The following CASK variants were observed in gnomAD, a reference collection of about 807,000 sequenced individuals.
CASK encodes the protein calcium/calmodulin dependent serine protein kinase.
Under a neutral mutation model 82.9 loss-of-function variants are expected in CASK, and 4 were observed. The ratio of observed to expected loss-of-function variants is 0.05; its 90% CI spans 0.02 to 0.11. CASK has a LOEUF of 0.11. Among genes scored for constraint, CASK ranks in the 10% least tolerant of loss-of-function variants. The probability of loss-of-function intolerance (pLI) is 1.00; values close to 1 mark genes in which losing one functional copy is unlikely to be tolerated. For missense variants in CASK, 358 were observed against 720.9 expected (o/e 0.50, Z 5.76); for synonymous variants, 259 against 253.5 (o/e 1.02, Z -0.20).
rs987930160 is a variant in CASK at position 41,808,593 on chromosome X, G to T, written c.173-21310C>A. ...CACGATAAGAGCTTCTAGGGGGGCAGTTCCAAGATGGCTGAATAGGAACAG... is the reference window on the plus strand; with the variant it reads ...CACGATAAGAGCTTCTAGGGGGGCATTTCCAAGATGGCTGAATAGGAACAG... On this transcript the variant is annotated intron_variant, in intron 2 of 26. Transcript: ENST00000378163. 4.5e-5 allele frequency among the ~76,000 whole-genome samples: 5 copies of T among 112,340 alleles called. No homozygotes were observed. In the South Asian group the frequency reaches 1.9e-3, roughly 42 times the overall value.
chrX:41,890,056 A>C (rs1269984585), intron 1 of CASK, among the ~76,000 whole-genome samples: 1 of 111,417 alleles, frequency 9.0e-6, no homozygotes, highest in Non-Finnish European at 1.9e-5. Flanking sequence ...ACTTTACCTC[A>C]CTATAATTCA....
In CASK at chrX:41,618,454, T is replaced by C. The variant is rs1473192352; in HGVS notation, c.1033+4163A>G. Among the ~76,000 whole-genome samples the C allele has an allele frequency of 2.7e-5, 3 of 110,994 alleles. No homozygotes were observed. In the East Asian group the frequency reaches 8.4e-4, roughly 31 times the overall value. ...AGGTGGGACTACAGGCACGCTACCATGCCTGGCTAATTTTTTAAAAAGTTT... is the reference window on the plus strand; with the variant it reads ...AGGTGGGACTACAGGCACGCTACCACGCCTGGCTAATTTTTTAAAAAGTTT... On this transcript the variant is annotated intron_variant, in intron 11 of 26. Coordinates refer to ENST00000378163, the MANE Select transcript of CASK (RefSeq NM_001367721.1).
At chrX:41,602,316 C>T (rs1214754729) in intron 12 of CASK, among the ~76,000 whole-genome samples, 2 of 111,473 alleles carry the variant, frequency 1.8e-5, no homozygotes, top group Non-Finnish European at 3.8e-5. Flanking sequence ...ACAAATCCTA[C>T]ATTTTTTTTG....
At chrX:41,750,759 G>A (rs1228635917) in intron 3 of CASK, among the ~76,000 whole-genome samples, 1 of 112,259 alleles carries the variant, frequency 8.9e-6, no homozygotes, top group Non-Finnish European at 1.9e-5. Context: ...GAGGCACAAG[G>A]TATTACTGGC....
At chrX:41,702,895 A>G (rs2067827311) in intron 5 of CASK, among the ~76,000 whole-genome samples, 1 of 112,605 alleles carries the variant, frequency 8.9e-6, no homozygotes, top group Non-Finnish European at 1.9e-5. Context: ...CATGTACGAT[A>G]ATCCAGAACA....
At chrX:41,812,939 C>T (rs2070328956) in intron 2 of CASK, among the ~76,000 whole-genome samples, 1 of 111,641 alleles carries the variant, frequency 9.0e-6, no homozygotes, top group Non-Finnish European at 1.9e-5. Flanking sequence ...CATTCTTATA[C>T]ACCAATAACA....
At chrX:41,650,138 A>G (rs973097935) in intron 8 of CASK, among the ~76,000 whole-genome samples, 2 of 110,793 alleles carry the variant, frequency 1.8e-5, no homozygotes, top group African/African-American at 6.6e-5. Context: ...TTTTGAGCCT[A>G]TGTGTGTCTC....
chrX:41,716,314 A>C (rs916806561), intron 5 of CASK, among the ~76,000 whole-genome samples: 1 of 112,363 alleles, frequency 8.9e-6, no homozygotes, highest in Non-Finnish European at 1.9e-5. Context: ...CAGGCAATGA[A>C]AACACTGGTT....
chrX:41,873,957 A>C (rs773001970), intron 1 of CASK, among the ~76,000 whole-genome samples: 1 of 108,583 alleles, frequency 9.2e-6, no homozygotes, highest in African/African-American at 3.4e-5. Context: ...CGCCCAGCTA[A>C]TTTTTTGTAT....
At chrX:41,767,454 T>A (rs905042730) in intron 3 of CASK, among the ~76,000 whole-genome samples, 1 of 111,884 alleles carries the variant, frequency 8.9e-6, no homozygotes, top group African/African-American at 3.2e-5. Context: ...CTTAGGTAAC[T>A]ATAGTACACT....
intron 2 of CASK, among the ~76,000 whole-genome samples, chrX:41,846,550 C>A (rs1055664235): frequency 4.5e-5 from 5 of 110,055 alleles, no homozygotes; most frequent in African/African-American, 1.7e-4. Context: ...TGACTACAGT[C>A]AAAAATAATT....
chrX:41,623,952 C>G (rs1161539290), intron 10 of CASK, among the ~76,000 whole-genome samples: 4 of 111,984 alleles, frequency 3.6e-5, no homozygotes, highest in Non-Finnish European at 7.5e-5. Context: ...TCAAGCAATC[C>G]TCCTGCCTTG....
intron 1 of CASK, among the ~76,000 whole-genome samples, chrX:41,867,789 G>A (rs2071618175): frequency 8.9e-6 from 1 of 111,982 alleles, no homozygotes; most frequent in Non-Finnish European, 1.9e-5. Flanking sequence ...TCAACCTAAA[G>A]GTTTACAAAA....
intron 21 of CASK, among the ~76,000 whole-genome samples, chrX:41,544,583 A>C (rs1396327449): frequency 9.2e-6 from 1 of 108,793 alleles, no homozygotes; most frequent in Non-Finnish European, 1.9e-5. Context: ...AAAAAAAAAA[A>C]AAACAAAAAT....
At chrX:41,606,064 A>C (rs1168638476) in intron 12 of CASK, among the ~76,000 whole-genome samples, 2 of 112,142 alleles carry the variant, frequency 1.8e-5, no homozygotes, top group Admixed American at 9.5e-5. Context: ...ACATTTAAAT[A>C]TTAAAATTTT....
At chrX:41,819,397 T>C (rs2147900510) in intron 2 of CASK, among the ~76,000 whole-genome samples, 1 of 111,677 alleles carries the variant, frequency 9.0e-6, no homozygotes, top group African/African-American at 3.2e-5. Context: ...TTACAAGTAC[T>C]ATCACAAGAA....
rs746590337 is a variant in CASK at position 41,555,606 on chromosome X, T to A, written c.1836A>T (p.Gly612=). The A allele has an allele frequency of 6.7e-6, 8 of 1,199,506 alleles. No homozygotes were observed. The highest frequency in any genetic ancestry group is 7.9e-6 in the Non-Finnish European group (7 of 885,887). The change falls in exon 20 of 27, where the codon GGA becomes GGT. Residue 612 remains glycine (G), a synonymous_variant. Transcript: ENST00000378163. The part of the protein sequence containing the change: ...SDLPSTTQPK[G]RQIYVRAQFE... ...ATAGAGGATATCTATTCACCTGTCG[T>A]CCTTTTGGTTGGGTAGTTGATGGCA...
chrX:41,521,046 C>T lies in CASK; in HGVS notation c.2605-450G>A, dbSNP rs190224695. The stretch of plus-strand genomic sequence containing the variant: ...TGGCAAGGCTGGAGCTCTTTGCCCC[C>T]GTCCCCTTGGTCCTCCACACTCACT... On this transcript the variant is annotated intron_variant, in intron 26 of 26. Transcript: ENST00000378163. 1.4e-3 allele frequency among the ~76,000 whole-genome samples: 154 copies of T among 112,350 alleles called. 1 individual carries two copies. Among genetic ancestry groups the T allele is most frequent in the African/African-American group, 4.2e-3 (130 of 30,959 alleles).
At chrX:41,888,737 A>G (rs2072098766) in intron 1 of CASK, among the ~76,000 whole-genome samples, 1 of 101,786 alleles carries the variant, frequency 9.8e-6, no homozygotes, top group Non-Finnish European at 2.0e-5. Context: ...ATATGTATAT[A>G]TATACATATA....
Sources: gnomAD v4.1 joint callset for allele counts (sites outside exome capture counted in the v4.1 genomes callset) on GRCh38, gnomAD v4.1.1 for gene constraint, MANE v1.5 for transcripts, NCBI Gene and HGNC (gene_info 2026-07-23, HGNC 2026-07-21) for gene names.